The following MAP3K13 variants were observed in gnomAD, a reference collection of about 807,000 sequenced individuals.
MAP3K13 encodes the protein mitogen-activated protein kinase kinase kinase 13, also known as leucine zipper-bearing kinase.
MAP3K13 carries 52 observed loss-of-function variants against 104.0 expected under a neutral mutation model. That is an observed-to-expected ratio of 0.50 (90% CI 0.40 to 0.63). MAP3K13 has a LOEUF of 0.63. MAP3K13 is among the 20% of genes least tolerant of loss of function. The pLI is 0.00. For missense variants in MAP3K13, 914 were observed against 1,218.5 expected (o/e 0.75, Z 3.72); for synonymous variants, 394 against 442.2 (o/e 0.89, Z 1.37).
intron 3 of MAP3K13, among the ~76,000 whole-genome samples, chr3:185,439,007 C>A (rs1022112300): frequency 8.5e-5 from 13 of 152,236 alleles, no homozygotes; most frequent in Non-Finnish European, 7.4e-5. Flanking sequence ...TGATAAAACT[C>A]TGATTATAAA....
At position 185,368,855 on chromosome 3, in the gene MAP3K13, A is replaced by T. The variant is rs563437181; in HGVS notation, c.-86+5487A>T. On this transcript the variant is annotated intron_variant, in intron 1 of 13. Transcript: ENST00000265026. ...ATGCCTGTAATCCCAGCTACTCGGG[A>T]GGCTGAGGCAGAAGAATCACTTGAA... is the stretch of plus-strand genomic sequence containing the variant. 1.2e-3 allele frequency among the ~76,000 whole-genome samples: 181 copies of T among 151,546 alleles called. 1 individual carries two copies. The highest frequency in any genetic ancestry group is 4.1e-3 in the African/African-American group (168 of 41,360).
chr3:185,309,132 C>T (rs2108685130), intron 2 of MAP3K13, among the ~76,000 whole-genome samples: 1 of 152,264 alleles, frequency 6.6e-6, no homozygotes, highest in East Asian at 1.9e-4. Context: ...AATAAGGTCA[C>T]ATTCACAGGT....
chr3:185,389,067 C>T (rs761460179), intron 1 of MAP3K13, among the ~76,000 whole-genome samples: 14 of 151,948 alleles, frequency 9.2e-5, no homozygotes, highest in Admixed American at 2.6e-4. Flanking sequence ...ATGTTCTCTG[C>T]GTTAAACAAA....
At chr3:185,479,754 G>A (rs1718337686) in intron 12 of MAP3K13, among the ~76,000 whole-genome samples, 1 of 152,192 alleles carries the variant, frequency 6.6e-6, no homozygotes, top group Admixed American at 6.5e-5. Context: ...TTCTGGAGCT[G>A]GGGAAGTCCA....
chr3:185,387,946 G>A (rs1327722328), intron 1 of MAP3K13, among the ~76,000 whole-genome samples: 1 of 152,076 alleles, frequency 6.6e-6, no homozygotes, highest in African/African-American at 2.4e-5. Context: ...TCACAGAACT[G>A]ATTAACAAAT....
chr3:185,418,290 C>A lies in MAP3K13; in HGVS notation c.-85-10207C>A, dbSNP rs993824470. ...TAAGGAGCAAAACAGCTTCCTTGGT[C>A]TTCTTGTAGCCTTCAACTTTATCTT... On this transcript the variant is annotated intron_variant, in intron 1 of 13. Transcript: ENST00000265026. The surrounding 1 kb of genome is among the most constrained non-coding windows in gnomAD (Gnocchi z 4.5). The A allele has an allele frequency of 6.3e-7, 1 of 1,583,124 alleles. No homozygotes were observed. Among genetic ancestry groups the A allele is most frequent in the African/African-American group, 1.3e-5 (1 of 74,196 alleles).
At chr3:185,372,174 A>G (rs1724194726) in intron 1 of MAP3K13, among the ~76,000 whole-genome samples, 1 of 152,264 alleles carries the variant, frequency 6.6e-6, no homozygotes, top group Non-Finnish European at 1.5e-5. Context: ...CACTGCTTCC[A>G]GACCTAAATT....
upstream of MAP3K13, among the ~76,000 whole-genome samples, chr3:185,361,098 ATG>A (rs34760922): frequency 0.15 from 21,965 of 146,338 alleles, 1,915 homozygotes; most frequent in Non-Finnish European, 0.19. Context: ...ATATATATAT[ATG>A]TGTGTGTGTG....
At chr3:185,367,352 A>C (rs1183901285) in intron 1 of MAP3K13, among the ~76,000 whole-genome samples, 2 of 152,170 alleles carry the variant, frequency 1.3e-5, no homozygotes, top group East Asian at 3.8e-4. Context: ...GCCGGGCTTG[A>C]AAACTATTGA....
chr3:185,321,242 G>A (rs952840117), intron 2 of MAP3K13, among the ~76,000 whole-genome samples: 16 of 152,066 alleles, frequency 1.1e-4, no homozygotes, highest in Non-Finnish European at 2.2e-4. Flanking sequence ...ATATACACGT[G>A]TATATTATAT....
chr3:185,442,774 C>A (rs1227253374), intron 3 of MAP3K13, among the ~76,000 whole-genome samples: 1 of 152,020 alleles, frequency 6.6e-6, no homozygotes, highest in Non-Finnish European at 1.5e-5. Flanking sequence ...CCTTGGTGAT[C>A]CACCTGCCTC....
chr3:185,309,319 G>A (rs1721413795), intron 2 of MAP3K13, among the ~76,000 whole-genome samples: 1 of 151,920 alleles, frequency 6.6e-6, no homozygotes, highest in Non-Finnish European at 1.5e-5. Flanking sequence ...ACCAGCCTGG[G>A]CAACATGGTG....
At chr3:185,304,912 G>A (rs1170628769) in intron 2 of MAP3K13, among the ~76,000 whole-genome samples, 8 of 125,068 alleles carry the variant, frequency 6.4e-5, no homozygotes, top group Non-Finnish European at 1.2e-4. Context: ...GATTACAGGC[G>A]TGAGCCACCG....
rs1180649237 is a variant in MAP3K13, at chr3:185,487,358, C to A, written c.*4902C>A. 1 of 146,800 alleles carries A rather than the reference C, an allele frequency of 6.8e-6. No individual in the cohort carries two copies. The highest frequency in any genetic ancestry group is 1.5e-5 in the Non-Finnish European group (1 of 67,128). The allele number at this position is 146,800 out of a possible 1,614,324, so 9.1% of individuals were successfully genotyped here. On this transcript the variant is annotated 3_prime_UTR_variant, in exon 14 of 14. Transcript: ENST00000265026. ...TTTTTTTTTTTTTTGTAGAGATGGG[C>A]GTCTCCCTGTGTTGCCCAGGCTGGT...
chr3:185,473,110 G>A lies in MAP3K13; in HGVS notation c.1779G>A (p.Gly593=), dbSNP rs1393345426. ...RYRSKPRHRR[G]NSRGSHSDFA... is the part of the protein sequence containing the mutation. ...GAAGCAAACCACGCCACCGCCGAGG[G>A]AATAGCAGAGGCAGCCATAGTGACT... The change falls in exon 11 of 14, where the codon GGG becomes GGA. Residue 593 remains glycine, a synonymous_variant. Coordinates refer to ENST00000265026, the MANE Select transcript of MAP3K13 (RefSeq NM_004721.5). The surrounding 1 kb of genome is among the most constrained non-coding windows in gnomAD (Gnocchi z 4.9). 1 of 1,614,124 alleles carries A rather than the reference G, an allele frequency of 6.2e-7. No individual in the cohort carries two copies. Among genetic ancestry groups the A allele is most frequent in the Non-Finnish European group, 8.5e-7 (1 of 1,180,022 alleles).
At chr3:185,380,951 T>G (rs552798621) in intron 1 of MAP3K13, among the ~76,000 whole-genome samples, 162 of 150,260 alleles carry the variant, frequency 1.1e-3, no homozygotes, top group African/African-American at 3.4e-3. Context: ...TTTTTTTGTT[T>G]TTTTTTTGTT....
chr3:185,359,306 A>G (rs755689063), upstream of MAP3K13, among the ~76,000 whole-genome samples: 4 of 152,120 alleles, frequency 2.6e-5, no homozygotes, highest in Admixed American at 1.3e-4. Flanking sequence ...AACTGCCCCC[A>G]TGATTCAATT....
At chr3:185,438,685 G>A (rs1344769650) in intron 3 of MAP3K13, among the ~76,000 whole-genome samples, 2 of 152,210 alleles carry the variant, frequency 1.3e-5, no homozygotes, top group Admixed American at 6.5e-5. Flanking sequence ...GGGTGGAAGT[G>A]CTGAGCTCTA....
chr3:185,284,155 T>C (rs1238395567), intron 1 of MAP3K13, among the ~76,000 whole-genome samples: 2 of 152,136 alleles, frequency 1.3e-5, no homozygotes, highest in African/African-American at 2.4e-5. Context: ...TTTTTCTTAA[T>C]GTTTTCTTCC....
Sources: allele counts gnomAD v4.1 joint callset (sites outside exome capture counted in the v4.1 genomes callset), GRCh38; gene constraint gnomAD v4.1.1; non-coding constraint Gnocchi (gnomAD v3.1); transcripts MANE v1.5; gene names NCBI Gene and HGNC (gene_info 2026-07-23, HGNC 2026-07-21).